The following PARP6 variants were observed in gnomAD, a reference collection of about 807,000 sequenced individuals.
The protein encoded by PARP6 is protein mono-ADP-ribosyltransferase PARP6.
PARP6 carries 27 observed loss-of-function variants against 92.0 expected under a neutral mutation model. That is an observed-to-expected ratio of 0.29 (90% CI 0.22 to 0.40). The LOEUF is 0.40. Among genes scored for constraint, PARP6 ranks in the 10% least tolerant of loss-of-function variants. The pLI is 1.00. For synonymous variants in PARP6, 272 were observed against 281.2 expected (o/e 0.97, Z 0.33); for missense variants, 501 against 784.5 (o/e 0.64, Z 4.32).
At chr15:72,267,309 C>T (rs1433008101) in intron 3 of PARP6, 166 bp downstream of exon 3, 5 of 709,724 alleles carry the variant, frequency 7.0e-6, no homozygotes, top group Non-Finnish European at 9.9e-6. Flanking sequence ...TACACAAACA[C>T]ACCAAGTAAT....
At position 72,270,679 on chromosome 15, in the gene PARP6, G is replaced by T. The variant is rs545768627; in HGVS notation, c.-195+344C>A. On this transcript the variant is annotated intron_variant, in intron 2 of 23. Coordinates refer to ENST00000569795, the MANE Select transcript of PARP6 (RefSeq NM_001323532.2). ...CATGGCTTGTTCCTTCACTCTTCCA[G>T]ATCTCTGCTCAAAGGCCACCTTGAC... Among the ~76,000 whole-genome samples, 17 of 152,102 alleles carry T rather than the reference G, an allele frequency of 1.1e-4. No individual in the cohort carries two copies. In the South Asian group the frequency reaches 3.5e-3, roughly 32 times the overall value.
At chr15:72,267,285 C>T (rs892947836) in intron 3 of PARP6, 190 bp downstream of exon 3, 20 of 632,298 alleles carry the variant, frequency 3.2e-5, no homozygotes, top group Non-Finnish European at 5.7e-5. Context: ...CTCTCCCTCC[C>T]CAAGAAAACC....
chr15:72,250,713 A>G, intron 18 of PARP6, 132 bp downstream of exon 18: 1 of 631,466 alleles, frequency 1.6e-6, no homozygotes. Context: ...AGCACCTACC[A>G]CAATAGCATT....
In PARP6 at chr15:72,241,821, A is replaced by C. The variant is rs2083087495; in HGVS notation, c.1790+80T>G. ...AGGACATGTCTCAGATAACAGAAAT[A>C]GACTTTTCCCAGTAGCCACACACCA... On this transcript the variant is annotated intron_variant, in intron 23 of 23. Coordinates refer to ENST00000569795, the MANE Select transcript of PARP6 (RefSeq NM_001323532.2). This position sits in a 1 kb window ranked among gnomAD's most constrained non-coding sequence, Gnocchi z 4.1. 7 of 1,050,892 alleles carry C rather than the reference A, an allele frequency of 6.7e-6. No homozygotes were observed. The East Asian group carries it at 1.4e-4, about 21-fold the overall frequency. The allele number at this position is 1,050,892 out of a possible 1,614,324, so 65.1% of individuals were successfully genotyped here.
intron 15 of PARP6, chr15:72,254,111 T>C (rs1277381420): frequency 4.2e-6 from 2 of 476,892 alleles, no homozygotes; most frequent in African/African-American, 2.0e-5. Context: ...TCTAGTTCCT[T>C]ACCTTCAAGC....
At position 72,242,538 on chromosome 15, in the gene PARP6, C is replaced by G; in HGVS notation, c.1641+82G>C. 1 of 952,148 alleles carries G rather than the reference C, an allele frequency of 1.1e-6. No individual in the cohort carries two copies. Among genetic ancestry groups the G allele is most frequent in the Non-Finnish European group, 1.7e-6 (1 of 580,656 alleles). The allele number at this position is 952,148 out of a possible 1,614,324, so 59.0% of individuals were successfully genotyped here. On this transcript the variant is annotated intron_variant, in intron 21 of 23. Transcript: ENST00000569795. The surrounding 1 kb of genome is among the most constrained non-coding windows in gnomAD (Gnocchi z 4.3). ...CTCAAATCACTCCCCAACCCATTCT[C>G]ACCCCACTGTTTCCCTGTCCAGCTC...
At chr15:72,244,158 C>T (rs2083355370) in intron 20 of PARP6, 1 of 152,196 alleles carries the variant, frequency 6.6e-6, no homozygotes, top group African/African-American at 2.4e-5. Flanking sequence ...ACATCATGAC[C>T]TTCTCTCAAA....
intron 18 of PARP6, 81 bp from the exon 19 acceptor site, chr15:72,250,173 T>G: frequency 1.2e-6 from 1 of 850,698 alleles, no homozygotes; most frequent in South Asian, 1.4e-5. Context: ...TCCCACCCAT[T>G]CTCACCCACA....
Position 72,241,760 on chromosome 15 carries a change from G to T in PARP6, c.1790+141C>A. 2 of 780,058 alleles carry T rather than the reference G, an allele frequency of 2.6e-6. No homozygotes were observed. The highest frequency in any genetic ancestry group is 2.5e-5 in the East Asian group (1 of 40,662). 48.3% of individuals were successfully genotyped at this position (780,058 alleles called of 1,614,324 possible). On this transcript the variant is annotated intron_variant, in intron 23 of 23. Coordinates refer to ENST00000569795, the MANE Select transcript of PARP6 (RefSeq NM_001323532.2). This position sits in a 1 kb window ranked among gnomAD's most constrained non-coding sequence, Gnocchi z 4.1. ...TCTATACCCATTCCCATCCTCCAAT[G>T]GTAAAGTCCCAGTGACAGCTCCACT...
In PARP6 at chr15:72,254,323, AGAG is replaced by A. The variant is rs957686779; in HGVS notation, c.1191+129_1191+131del. Reference sequence around the variant, plus strand: ...AGAGAACAGGAATTGGGAAGGTTAAAGAGGAAAGACTAAAAAAAAAATACAGTG... The same window carrying A: ...AGAGAACAGGAATTGGGAAGGTTAAAGAAAGACTAAAAAAAAAATACAGTG... On this transcript the variant is annotated intron_variant, in intron 15 of 23. Transcript: ENST00000569795. 3.7e-5 allele frequency: 24 copies of A among 649,444 alleles called. 1 individual carries two copies. In the African/African-American group the frequency reaches 4.3e-4, roughly 12 times the overall value. The allele number at this position is 649,444 out of a possible 1,614,324, so 40.2% of individuals were successfully genotyped here. A position where few individuals can be genotyped will look rare whatever the true frequency, so the allele number is the denominator to read the frequency against.
chr15:72,245,439 C>G (rs2083492423), intron 20 of PARP6: 1 of 152,196 alleles, frequency 6.6e-6, no homozygotes, highest in Admixed American at 6.5e-5. Context: ...TGGGTCCCTT[C>G]CACAACACAT....
intron 2 of PARP6, among the ~76,000 whole-genome samples, chr15:72,270,547 C>A (rs2087261645): frequency 6.6e-6 from 1 of 152,176 alleles, no homozygotes; most frequent in Non-Finnish European, 1.5e-5. Context: ...AGCATATTCC[C>A]ACTATAGGGC....
chr15:72,267,537 T>C lies in PARP6; in HGVS notation c.-60A>G. On this transcript the variant is annotated 5_prime_UTR_variant, in exon 3 of 24. Transcript: ENST00000569795. ...GCTAGGCAGCACCCCTCCATACCAC[T>C]AGCCGAACCAAGGCCAACGAGATGG... 9 of 1,603,884 alleles carry C rather than the reference T, an allele frequency of 5.6e-6. No homozygotes were observed. The South Asian group carries it at 8.8e-5, about 16-fold the overall frequency.
chr15:72,259,562 C>A, intron 11 of PARP6, 46 bp downstream of exon 11: 2 of 1,564,928 alleles, frequency 1.3e-6, no homozygotes, highest in South Asian at 2.2e-5. Flanking sequence ...CCAAATGGGT[C>A]AGACAACAGG....
chr15:72,249,319 C>T lies in PARP6; in HGVS notation c.1492-5G>A. ...GCCATAGGCTGCTCCATGCAGCTTG[C>T]AGGGAAACACCAGGATGAGTAATAT... is the stretch of plus-strand genomic sequence containing the variant. On this transcript the variant is annotated splice_polypyrimidine_tract_variant and splice_region_variant and intron_variant, in intron 19 of 23. Transcript: ENST00000569795. 1 of 1,569,414 alleles carries T rather than the reference C, an allele frequency of 6.4e-7. No homozygotes were observed. The highest frequency in any genetic ancestry group is 8.7e-7 in the Non-Finnish European group (1 of 1,144,416).
intron 3 of PARP6, 82 bp from the exon 4 acceptor site, chr15:72,266,904 C>T: frequency 3.3e-6 from 2 of 608,522 alleles, no homozygotes; most frequent in South Asian, 2.2e-5. Context: ...TGGTGAGGAA[C>T]AGATTCCCAC....
chr15:72,267,620 G>T lies in PARP6; in HGVS notation c.-143C>A. 1.2e-6 allele frequency: 1 copy of T among 818,878 alleles called. No homozygotes were observed. The highest frequency in any genetic ancestry group is 1.5e-5 in the South Asian group (1 of 67,312). 50.7% of individuals were successfully genotyped at this position (818,878 alleles called of 1,614,324 possible). A position where few individuals can be genotyped will look rare whatever the true frequency, so the allele number is the denominator to read the frequency against. ...GGGCACGATGTCAGGGACAACTGGT[G>T]ATCTGTTGGGGATGGCAGGCTCTGC... On this transcript the variant is annotated 5_prime_UTR_variant, in exon 3 of 24. Coordinates refer to ENST00000569795, the MANE Select transcript of PARP6 (RefSeq NM_001323532.2).
rs778000056 is a variant in PARP6, at chr15:72,241,350, T to A, written c.*105A>T. 1 of 789,526 alleles carries A rather than the reference T, an allele frequency of 1.3e-6. No homozygotes were observed. Among genetic ancestry groups the A allele is most frequent in the African/African-American group, 1.7e-5 (1 of 58,998 alleles). The allele number at this position is 789,526 out of a possible 1,614,324, so 48.9% of individuals were successfully genotyped here. ...ATATCCTTTTCCTGCCCCTTGGTAA[T>A]GGCCCCTTGATTCCTCAGGGCAGCC... On this transcript the variant is annotated 3_prime_UTR_variant, in exon 24 of 24. Transcript: ENST00000569795. This position sits in a 1 kb window ranked among gnomAD's most constrained non-coding sequence, Gnocchi z 4.1.
At chr15:72,255,784 C>CTCT (rs1567198828) in intron 14 of PARP6, among the ~76,000 whole-genome samples, 2 of 92,864 alleles carry the variant, frequency 2.2e-5, no homozygotes, top group East Asian at 3.3e-4. Flanking sequence ...TTACTTCTCT[C>CTCT]TTTTTTTTTT....
Sources: allele counts gnomAD v4.1 joint callset (sites outside exome capture counted in the v4.1 genomes callset), GRCh38; gene constraint gnomAD v4.1.1; non-coding constraint Gnocchi (gnomAD v3.1); transcripts MANE v1.5; gene names NCBI Gene and HGNC (gene_info 2026-07-23, HGNC 2026-07-21).